Variants in TMEM39B observed in about 807,000 individuals in gnomAD.
TMEM39B encodes transmembrane protein 39B.
A neutral mutation model predicts 52.2 loss-of-function variants in TMEM39B; 23 were observed. The ratio of observed to expected loss-of-function variants is 0.44; its 90% CI spans 0.32 to 0.62. The LOEUF is 0.62. Among genes scored for constraint, TMEM39B ranks in the 20% least tolerant of loss-of-function variants. TMEM39B has a pLI of 0.06. For missense variants in TMEM39B, 547 were observed against 642.0 expected, an observed-to-expected ratio of 0.85 and a Z score of 1.60; for synonymous variants, 285 against 264.0, an observed-to-expected ratio of 1.08 and a Z score of -0.77.
At chr1:32,085,855 G>A (rs1461143475) in intron 5 of TMEM39B, among the ~76,000 whole-genome samples, 4 of 151,862 alleles carry the variant, frequency 2.6e-5, no homozygotes, top group South Asian at 2.1e-4. Flanking sequence ...TGGCTTGTTT[G>A]CTTGTCTCTT....
At chr1:32,073,221 C>CTGT (rs1639709566) in intron 1 of TMEM39B, 170 bp downstream of exon 1, 1 of 634,920 alleles carries the variant, frequency 1.6e-6, no homozygotes, top group Non-Finnish European at 2.2e-6. Flanking sequence ...GGTGGGGCCT[C>CTGT]TGTTGTGGGG....
At position 32,076,835 on chromosome 1, in the gene TMEM39B, A is replaced by G. The variant is rs775536774; in HGVS notation, c.424A>G (p.Ile142Val). 1.1e-5 allele frequency: 17 copies of G among 1,614,044 alleles called. No homozygotes were observed. In the Admixed American group the frequency reaches 1.3e-4, roughly 13 times the overall value. Residue 142 changes from isoleucine (I) to valine (V), a missense_variant, in exon 4 of 9, where the codon ATC becomes GTC. Ile to Val is a conservative substitution (Grantham distance 29). Coordinates refer to ENST00000336294, the MANE Select transcript of TMEM39B (RefSeq NM_018056.4). ...TCTGGGCCGCCGCTTCATTGGGTCCATCGTGAAGGAGGTGATTGGGTCCTA... is the reference window on the plus strand; with the variant it reads ...TCTGGGCCGCCGCTTCATTGGGTCCGTCGTGAAGGAGGTGATTGGGTCCTA... ...IVLGRRFIGS[I>V]VKEASQRGKV... is the part of the protein sequence containing the mutation.
chr1:32,098,669 C>T (rs1455509711), intron 7 of TMEM39B, among the ~76,000 whole-genome samples: 7 of 152,222 alleles, frequency 4.6e-5, no homozygotes, highest in South Asian at 4.1e-4. Context: ...GGAGGCGGAG[C>T]TTGCAGTGAG....
rs986144477 is a variant in TMEM39B at position 32,075,708 on chromosome 1, G to C, written c.237G>C (p.Leu79=). The change falls in exon 3 of 9, where the codon CTG becomes CTC. Residue 79 remains leucine (L), a synonymous_variant. Transcript: ENST00000336294. ...AGCTGCCAGTCCAGGCCAGCATTCT[G>C]TTTGAGTTGCAGCTCTTCTTCTGCC... ...IPELPVQASI[L]FELQLFFCQL... The C allele has an allele frequency of 6.4e-7, 1 of 1,551,682 alleles. No individual in the cohort carries two copies. The highest frequency in any genetic ancestry group is 2.0e-5 in the Admixed American group (1 of 50,966).
rs778130284 is a variant in TMEM39B, at chr1:32,102,589, G to A, written c.1395G>A (p.Lys465=). 1.4e-5 allele frequency: 22 copies of A among 1,613,950 alleles called. No homozygotes were observed. The South Asian group carries it at 2.1e-4, about 15-fold the overall frequency. The part of the protein sequence containing the change: ...ILFSNYYAFF[K]LLRDRLVLGK... ...TCAGCAACTACTATGCCTTCTTCAA[G>A]CTGCTCCGGGACCGCTTGGTATTGG... Residue 465 remains lysine, a synonymous_variant, in exon 9 of 9, where the codon AAG becomes AAA. Coordinates refer to ENST00000336294, the MANE Select transcript of TMEM39B (RefSeq NM_018056.4).
At chr1:32,084,571 T>G (rs531481633) in intron 5 of TMEM39B, among the ~76,000 whole-genome samples, 8 of 152,212 alleles carry the variant, frequency 5.3e-5, no homozygotes, top group African/African-American at 1.2e-4. Flanking sequence ...TTTCTTTTTT[T>G]TTGTTTTTTT....
At chr1:32,100,690 C>A in intron 8 of TMEM39B, 128 bp downstream of exon 8, 2 of 1,290,896 alleles carry the variant, frequency 1.5e-6, no homozygotes, top group Non-Finnish European at 1.1e-6. Context: ...GAAGACAGTG[C>A]ACACATGTAG....
intron 5 of TMEM39B, among the ~76,000 whole-genome samples, chr1:32,077,716 CTG>C (rs769434689): frequency 1.3e-5 from 2 of 152,098 alleles, no homozygotes; most frequent in African/African-American, 2.4e-5. Context: ...CTCCCTGAGT[CTG>C]TGTGCCAGCA....
chr1:32,094,117 CTTTTTTTTTTTTTTT>C (rs796499631), intron 6 of TMEM39B, among the ~76,000 whole-genome samples: 1 of 29,770 alleles, frequency 3.4e-5, no homozygotes, highest in Admixed American at 6.9e-4. Context: ...TGCGCCTGGC[CTTTTTTTTTTTTTTT>C]TTTTTTTTTT....
At chr1:32,089,983 C>T (rs371129745) in intron 5 of TMEM39B, among the ~76,000 whole-genome samples, 200 of 151,506 alleles carry the variant, frequency 1.3e-3, no homozygotes, top group Non-Finnish European at 2.3e-3. Context: ...GAGCTAAGAT[C>T]GCGGCACTGC....
upstream of TMEM39B, chr1:32,072,759 T>G: frequency 6.1e-6 from 3 of 493,714 alleles, no homozygotes; most frequent in Non-Finnish European, 1.1e-5. Context: ...GAGCAGGAGG[T>G]GGGTTCCGTT....
In TMEM39B at chr1:32,077,251, C is replaced by G; in HGVS notation, c.523C>G (p.Leu175Val). The G allele has an allele frequency of 1.2e-6, 2 of 1,614,180 alleles. No individual in the cohort carries two copies. Among genetic ancestry groups the G allele is most frequent in the South Asian group, 2.2e-5 (2 of 91,086 alleles). ...CGTTCTCACGGCAACAGGCTGGAGT[C>G]TGTGCCGATCCCTCATCCACCTCTT... ...FTVLTATGWS[L>V]CRSLIHLFRT... Residue 175 changes from leucine (L) to valine (V), a missense_variant, in exon 5 of 9, where the codon CTG (leucine) becomes GTG (valine). By Grantham distance (32) the Leu-to-Val change is conservative (BLOSUM62 1). Coordinates refer to ENST00000336294, the MANE Select transcript of TMEM39B (RefSeq NM_018056.4).
At chr1:32,102,317 T>C in intron 8 of TMEM39B, 114 bp from the exon 9 acceptor site, 1 of 1,421,668 alleles carries the variant, frequency 7.0e-7, no homozygotes, top group Non-Finnish European at 9.5e-7. Flanking sequence ...TCCCCACCCA[T>C]GTCTGCATGG....
chr1:32,091,152 C>T (rs1640587394), intron 5 of TMEM39B, among the ~76,000 whole-genome samples: 1 of 152,078 alleles, frequency 6.6e-6, no homozygotes, highest in African/African-American at 2.4e-5. Flanking sequence ...ATCTTTGGTA[C>T]CAAACAGTTC....
At chr1:32,090,575 G>A (rs1640563585) in intron 5 of TMEM39B, among the ~76,000 whole-genome samples, 1 of 152,134 alleles carries the variant, frequency 6.6e-6, no homozygotes. Flanking sequence ...CTCAGCCTGA[G>A]TAGCTGGGAC....
rs776792259 is a variant in TMEM39B at position 32,077,230 on chromosome 1, C to G, written c.502C>G (p.Leu168Val). ...GCTGTTCCTCACTCGCTTCACCGTT[C>G]TCACGGCAACAGGCTGGAGTCTGTG... ...ILLFLTRFTV[L>V]TATGWSLCRS... The change falls in exon 5 of 9, where the codon CTC (leucine) becomes GTC (valine). Residue 168 changes from leucine to valine, a missense_variant. By Grantham distance (32) the Leu-to-Val change is conservative. Coordinates refer to ENST00000336294, the MANE Select transcript of TMEM39B (RefSeq NM_018056.4). 6.2e-7 allele frequency: 1 copy of G among 1,614,174 alleles called. No homozygotes were observed. Among genetic ancestry groups the G allele is most frequent in the Non-Finnish European group, 8.5e-7 (1 of 1,180,044 alleles).
In TMEM39B at chr1:32,074,943, C is replaced by T; in HGVS notation, c.5-8C>T. 6.5e-7 allele frequency: 1 copy of T among 1,548,802 alleles called. No homozygotes were observed. Among genetic ancestry groups the T allele is most frequent in the Non-Finnish European group, 8.7e-7 (1 of 1,145,604 alleles). ...GCTTGAGGCTCTATTTTATGTTGAG[C>T]CCCACAGGAGGACGAAGAGGTCCCA... is the stretch of plus-strand genomic sequence containing the variant. On this transcript the variant is annotated splice_polypyrimidine_tract_variant and splice_region_variant and intron_variant, in intron 1 of 8. Transcript: ENST00000336294.
At chr1:32,090,416 T>C (rs1057299287) in intron 5 of TMEM39B, among the ~76,000 whole-genome samples, 30 of 152,112 alleles carry the variant, frequency 2.0e-4, no homozygotes, top group Admixed American at 1.7e-3. Context: ...TGTTCTCATA[T>C]GCACCCATAA....
In TMEM39B at chr1:32,091,825, G is replaced by A. The variant is rs1366659463; in HGVS notation, c.741G>A (p.Lys247=). Residue 247 remains lysine (K), a synonymous_variant, in exon 6 of 9, where the codon AAG becomes AAA. Transcript: ENST00000336294. ...DYLLTLRETW[K]QHTRQLYGPD... ...TCCTGACACTGCGGGAGACGTGGAAGCAGCACACAAGACAGCTGTATGGCC... is the reference window on the plus strand; with the variant it reads ...TCCTGACACTGCGGGAGACGTGGAAACAGCACACAAGACAGCTGTATGGCC... 2 of 1,614,236 alleles carry A rather than the reference G, an allele frequency of 1.2e-6. No individual in the cohort carries two copies. The highest frequency in any genetic ancestry group is 1.7e-5 in the Admixed American group (1 of 60,026).
Sources: allele counts gnomAD v4.1 joint callset (sites outside exome capture counted in the v4.1 genomes callset), GRCh38; gene constraint gnomAD v4.1.1; transcripts MANE v1.5; gene names NCBI Gene and HGNC (gene_info 2026-07-23, HGNC 2026-07-21).